Variants in PTPRG observed in about 807,000 individuals in gnomAD.
PTPRG encodes receptor-type tyrosine-protein phosphatase gamma.
In PTPRG, 102 loss-of-function variants were observed where a neutral mutation model predicts 165.3. The observed-to-expected ratio is 0.62, with a 90% CI of 0.53 to 0.73. The LOEUF (loss-of-function observed/expected upper bound fraction) is 0.73, where lower values mean the gene tolerates loss of function less well. Among genes scored for constraint, PTPRG ranks in the 30% least tolerant of loss-of-function variants. The pLI is 0.00. For missense variants in PTPRG, 1,866 were observed against 1,861.4 expected (o/e 1.00, Z -0.05); for synonymous variants, 675 against 669.5 (o/e 1.01, Z -0.13).
At chr3:61,953,884 G>T (rs2039962228) in intron 2 of PTPRG, among the ~76,000 whole-genome samples, 1 of 151,498 alleles carries the variant, frequency 6.6e-6, no homozygotes, top group East Asian at 1.9e-4. Context: ...ACAATCTGCT[G>T]CTCTCTTCAG....
chr3:62,136,501 G>A (rs1021710523), intron 6 of PTPRG, among the ~76,000 whole-genome samples: 14 of 152,296 alleles, frequency 9.2e-5, no homozygotes, highest in African/African-American at 3.4e-4. Flanking sequence ...CAGCTCAGTG[G>A]TTGGACTGAG....
At chr3:61,968,188 G>A (rs923476666) in intron 2 of PTPRG, among the ~76,000 whole-genome samples, 1 of 152,170 alleles carries the variant, frequency 6.6e-6, no homozygotes, top group African/African-American at 2.4e-5. Context: ...ACCATTAAAT[G>A]TAAAGATTTT....
intron 1 of PTPRG, among the ~76,000 whole-genome samples, chr3:61,731,548 C>T (rs1179464371): frequency 2.0e-5 from 3 of 151,926 alleles, no homozygotes; most frequent in Non-Finnish European, 2.9e-5. Context: ...AGGGTTTCAC[C>T]ATGTTGGCCA....
chr3:62,068,008 G>A (rs1459831600), intron 4 of PTPRG, among the ~76,000 whole-genome samples: 2 of 152,288 alleles, frequency 1.3e-5, no homozygotes, highest in Middle Eastern at 3.4e-3. Context: ...ATTCTGGTGA[G>A]GATGTTGTGT....
intron 4 of PTPRG, among the ~76,000 whole-genome samples, chr3:62,005,869 A>G (rs1004476649): frequency 2.0e-5 from 3 of 151,340 alleles, no homozygotes; most frequent in Non-Finnish European, 4.4e-5. Flanking sequence ...TGCCTGGCTA[A>G]TTTTTGTATT....
chr3:61,745,938 A>T (rs2106901760), intron 1 of PTPRG, among the ~76,000 whole-genome samples: 1 of 152,308 alleles, frequency 6.6e-6, no homozygotes, highest in South Asian at 2.1e-4. Flanking sequence ...AGCAGGTAAA[A>T]CTGATCCCAG....
At chr3:61,948,344 A>G (rs1177599070) in intron 2 of PTPRG, among the ~76,000 whole-genome samples, 5 of 152,000 alleles carry the variant, frequency 3.3e-5, no homozygotes, top group Non-Finnish European at 7.4e-5. Context: ...AAAAGAAGGA[A>G]ACTGTTGACT....
chr3:62,226,675 T>A (rs993011579), intron 13 of PTPRG, among the ~76,000 whole-genome samples: 2 of 152,242 alleles, frequency 1.3e-5, no homozygotes, highest in Non-Finnish European at 2.9e-5. Flanking sequence ...AACAGAAAAC[T>A]GGAAACTCCC....
chr3:61,725,635 TA>T (rs2032226347), intron 1 of PTPRG, among the ~76,000 whole-genome samples: 3 of 151,936 alleles, frequency 2.0e-5, no homozygotes, highest in Admixed American at 6.6e-5. Flanking sequence ...TGAATTTGGA[TA>T]GAGTGATTCT....
At chr3:62,136,245 C>T (rs934310244) in intron 6 of PTPRG, among the ~76,000 whole-genome samples, 4 of 152,166 alleles carry the variant, frequency 2.6e-5, no homozygotes, top group African/African-American at 9.7e-5. Context: ...CCTGCCCTCA[C>T]CATGTATGCA....
chr3:62,238,335 C>T (rs1428153715), intron 14 of PTPRG, among the ~76,000 whole-genome samples: 1 of 152,062 alleles, frequency 6.6e-6, no homozygotes, highest in Non-Finnish European at 1.5e-5. Context: ...TCTTGGGTAT[C>T]TTGTTGATGG....
chr3:62,243,389 C>A (rs573068219), intron 14 of PTPRG, among the ~76,000 whole-genome samples: 7 of 152,074 alleles, frequency 4.6e-5, no homozygotes, highest in African/African-American at 1.4e-4. Flanking sequence ...TGTTTGATGA[C>A]GATGTTGGAA....
rs966613742 is a variant in PTPRG at position 61,665,597 on chromosome 3, G to T, written c.86-83281G>T. On this transcript the variant is annotated intron_variant, in intron 1 of 29. Transcript: ENST00000474889. ...TCCTGCACTTTGGGAGGCTGAGGCG[G>T]GAAGATCATTAGATTGCTGGAGTTT... Among the ~76,000 whole-genome samples, 5 of 115,066 alleles carry T rather than the reference G, an allele frequency of 4.3e-5. No homozygotes were observed. The South Asian group carries it at 1.8e-3, about 41-fold the overall frequency. 75.5% of individuals were successfully genotyped at this position (115,066 alleles called of 152,430 possible). A position where few individuals can be genotyped will look rare whatever the true frequency, so the allele number is the denominator to read the frequency against.
At chr3:62,058,102 G>A (rs1270843119) in intron 4 of PTPRG, among the ~76,000 whole-genome samples, 1 of 152,174 alleles carries the variant, frequency 6.6e-6, no homozygotes, top group Admixed American at 6.5e-5. Context: ...GTATGGATGT[G>A]CTTCCCCTAG....
At chr3:62,169,488 A>G (rs1221650041) in intron 8 of PTPRG, among the ~76,000 whole-genome samples, 1 of 151,992 alleles carries the variant, frequency 6.6e-6, no homozygotes, top group Non-Finnish European at 1.5e-5. Context: ...CTACTTGCTC[A>G]TGTGAAATGA....
intron 6 of PTPRG, among the ~76,000 whole-genome samples, chr3:62,137,584 C>A (rs1389034701): frequency 6.6e-6 from 1 of 152,142 alleles, no homozygotes; most frequent in Non-Finnish European, 1.5e-5. Flanking sequence ...CCTGAGCATA[C>A]TTCTCAGTTG....
chr3:61,568,551 A>G (rs1699979689), intron 1 of PTPRG, among the ~76,000 whole-genome samples: 1 of 152,220 alleles, frequency 6.6e-6, no homozygotes, highest in African/African-American at 2.4e-5. Flanking sequence ...TGTGTGAGAT[A>G]GCTTGCTGGA....
intron 2 of PTPRG, among the ~76,000 whole-genome samples, chr3:61,935,660 T>A (rs76506945): frequency 0.012 from 1,821 of 151,812 alleles, 39 homozygotes; most frequent in African/African-American, 0.038. Context: ...TATCTTTTTT[T>A]AATCGTATTC....
chr3:61,614,967 A>C (rs1018627307), intron 1 of PTPRG, among the ~76,000 whole-genome samples: 2 of 152,168 alleles, frequency 1.3e-5, no homozygotes, highest in African/African-American at 2.4e-5. Flanking sequence ...GAAAGAACCT[A>C]CCGCTTCCAA....
Sources: allele counts gnomAD v4.1 joint callset (sites outside exome capture counted in the v4.1 genomes callset), GRCh38; gene constraint gnomAD v4.1.1; transcripts MANE v1.5; gene names NCBI Gene and HGNC (gene_info 2026-07-23, HGNC 2026-07-21).